STON2: variants seen among roughly 807,000 people sequenced by gnomAD.
The protein encoded by STON2 is stonin 2, also known as stonin-2.
In STON2, 29 loss-of-function variants were observed where a neutral mutation model predicts 65.7. The ratio of observed to expected loss-of-function variants is 0.44; its 90% CI spans 0.33 to 0.60. STON2 has a LOEUF of 0.60. STON2 is among the 20% of genes least tolerant of loss of function. The pLI, the probability that STON2 is intolerant of heterozygous loss-of-function variation, is 0.03. For missense variants in STON2, 1,054 were observed against 1,118.1 expected, an observed-to-expected ratio of 0.94 and a Z score of 0.82; for synonymous variants, 404 against 414.2, an observed-to-expected ratio of 0.98 and a Z score of 0.30.
chr14:81,386,889 G>A (rs111264963), intron 3 of STON2, among the ~76,000 whole-genome samples: 511 of 151,942 alleles, frequency 3.4e-3, no homozygotes, highest in African/African-American at 5.5e-3. Context: ...TAAAATGTAC[G>A]TACTTAAAAT....
In STON2 at chr14:81,278,067, T is replaced by C; in HGVS notation, c.1415A>G (p.His472Arg). ...CTGGGACCGTGCTGATCCAGGCGGG[T>C]GAGCATCTAGTTCAATCCAGGCTAC... ...DPVAWIELDA[H>R]PPGSARSQPR... Residue 472 changes from histidine to arginine, a missense_variant, in exon 6 of 8, where the codon CAC becomes CGC. Transcript: ENST00000614646. The C allele has an allele frequency of 6.2e-7, 1 of 1,614,066 alleles. No homozygotes were observed. Among genetic ancestry groups the C allele is most frequent in the Non-Finnish European group, 8.5e-7 (1 of 1,180,004 alleles).
chr14:81,268,763 C>T, intron 7 of STON2: 1 of 489,584 alleles, frequency 2.0e-6, no homozygotes, highest in African/African-American at 2.1e-5. Flanking sequence ...TCAAAGATCA[C>T]CCCTTCTGTG....
At chr14:81,301,839 GC>G (rs5810023) in intron 5 of STON2, among the ~76,000 whole-genome samples, 118,575 of 152,058 alleles carry the variant, frequency 0.78, 46,358 homozygotes, top group Non-Finnish European at 0.8. Context: ...TAGTCATATT[GC>G]CCAATATACA....
intron 4 of STON2, among the ~76,000 whole-genome samples, chr14:81,340,652 A>G (rs1897572451): frequency 6.6e-6 from 1 of 152,142 alleles, no homozygotes; most frequent in Non-Finnish European, 1.5e-5. Flanking sequence ...ACACTTCCAC[A>G]GCCCACCCAC....
intron 5 of STON2, among the ~76,000 whole-genome samples, chr14:81,279,676 G>A (rs1895028222): frequency 6.6e-6 from 1 of 151,820 alleles, no homozygotes; most frequent in Admixed American, 6.6e-5. Flanking sequence ...GGGCAACAGA[G>A]CGAGACTCTG....
Position 81,346,435 on chromosome 14 carries a change from C to G in STON2, c.572-22248G>C, listed in dbSNP as rs115311203. ...GGGACCAGAGAAAAGGATGTATGAT[C>G]TAAAACTCATTAGCTTGGACATTAG... is the stretch of plus-strand genomic sequence containing the variant. On this transcript the variant is annotated intron_variant, in intron 4 of 7. Transcript: ENST00000614646. 5.7e-3 allele frequency among the ~76,000 whole-genome samples: 869 copies of G among 152,166 alleles called. 8 individuals carry two copies. The highest frequency in any genetic ancestry group is 0.02 in the African/African-American group (827 of 41,486).
chr14:81,370,961 G>A, intron 4 of STON2, 27 bp downstream of exon 4: 1 of 1,604,470 alleles, frequency 6.2e-7, no homozygotes, highest in South Asian at 1.1e-5. Context: ...GATTTGCAAA[G>A]CCCTCTGGCT....
At chr14:81,361,443 C>T (rs1220239228) in intron 4 of STON2, among the ~76,000 whole-genome samples, 1 of 152,058 alleles carries the variant, frequency 6.6e-6, no homozygotes, top group African/African-American at 2.4e-5. Flanking sequence ...ACTGGATATC[C>T]ACATGCAGAA....
chr14:81,270,283 C>T, intron 7 of STON2: 1 of 775,144 alleles, frequency 1.3e-6, no homozygotes, highest in Non-Finnish European at 1.7e-6. Context: ...TGGGGTTTCG[C>T]CATGTTGGCC....
chr14:81,336,682 G>A (rs997666524), intron 4 of STON2, among the ~76,000 whole-genome samples: 2 of 151,814 alleles, frequency 1.3e-5, no homozygotes, highest in African/African-American at 4.8e-5. Context: ...AGGACCACAA[G>A]CAGAAGAAGG....
At chr14:81,344,933 C>T (rs1033119948) in intron 4 of STON2, among the ~76,000 whole-genome samples, 1 of 152,168 alleles carries the variant, frequency 6.6e-6, no homozygotes, top group Non-Finnish European at 1.5e-5. Context: ...GTGGGATAAA[C>T]TAATCCCTTG....
At chr14:81,303,591 G>A (rs1419762727) in intron 5 of STON2, among the ~76,000 whole-genome samples, 1 of 152,112 alleles carries the variant, frequency 6.6e-6, no homozygotes, top group Non-Finnish European at 1.5e-5. Flanking sequence ...CCAGAGAGAG[G>A]CTCCAAATCT....
chr14:81,313,110 C>T (rs1035617475), intron 5 of STON2, among the ~76,000 whole-genome samples: 6 of 152,206 alleles, frequency 3.9e-5, no homozygotes, highest in African/African-American at 1.4e-4. Context: ...TAATCTCCTT[C>T]CAGGGCCTGG....
At chr14:81,406,246 C>T (rs1900852983) in intron 2 of STON2, among the ~76,000 whole-genome samples, 1 of 152,068 alleles carries the variant, frequency 6.6e-6, no homozygotes, top group South Asian at 2.1e-4. Context: ...AATAAACTAC[C>T]CTTCATATAT....
At chr14:81,282,279 C>T (rs1034900479) in intron 5 of STON2, among the ~76,000 whole-genome samples, 15 of 152,262 alleles carry the variant, frequency 9.9e-5, no homozygotes, top group Admixed American at 4.6e-4. Flanking sequence ...TTAATTCACA[C>T]GGAAGTTGAC....
At chr14:81,343,559 G>A (rs1029022488) in intron 4 of STON2, among the ~76,000 whole-genome samples, 1 of 151,968 alleles carries the variant, frequency 6.6e-6, no homozygotes, top group Non-Finnish European at 1.5e-5. Flanking sequence ...CAGTCAATGA[G>A]AACTGAAAGA....
intron 1 of STON2, among the ~76,000 whole-genome samples, chr14:81,435,529 T>A (rs1459643915): frequency 2.0e-5 from 3 of 152,134 alleles, no homozygotes; most frequent in Non-Finnish European, 4.4e-5. Context: ...AAGAAGGACC[T>A]GCTCAAGGGG....
intron 5 of STON2, among the ~76,000 whole-genome samples, chr14:81,288,959 T>G (rs988768767): frequency 3.3e-5 from 5 of 150,360 alleles, no homozygotes; most frequent in Non-Finnish European, 7.4e-5. Flanking sequence ...ATGCCCACAC[T>G]CTTACTGTGA....
chr14:81,303,815 G>A (rs144486308), intron 5 of STON2, among the ~76,000 whole-genome samples: 3 of 152,232 alleles, frequency 2.0e-5, no homozygotes, highest in East Asian at 1.9e-4. Context: ...ACCAGGTTTC[G>A]AAACCAATGC....
Sources: allele counts gnomAD v4.1 joint callset (sites outside exome capture counted in the v4.1 genomes callset), GRCh38; gene constraint gnomAD v4.1.1; transcripts MANE v1.5; gene names NCBI Gene and HGNC (gene_info 2026-07-23, HGNC 2026-07-21).